CPAP: variants seen among roughly 807,000 people sequenced by gnomAD.
The protein encoded by CPAP is centrosome assembly and centriole elongation protein.
the CPAP span, chr13:24,889,462 A>G: frequency 9.4e-7 from 1 of 1,061,692 alleles, no homozygotes; most frequent in Non-Finnish European, 1.4e-6. Flanking sequence ...ACACTAAGTG[A>G]AACTAATAAA....
the CPAP span, chr13:24,883,284 T>A: frequency 6.2e-7 from 1 of 1,614,022 alleles, no homozygotes; most frequent in South Asian, 1.1e-5. Flanking sequence ...GTTTTAACAG[T>A]GCCATCTGGG....
the CPAP span, chr13:24,903,837 T>C: frequency 7.4e-7 from 1 of 1,357,116 alleles, no homozygotes; most frequent in Non-Finnish European, 1.1e-6. Flanking sequence ...GTTTGACTGA[T>C]TTAAATTGTT....
chr13:24,885,675 T>G, the CPAP span: 1 of 1,607,646 alleles, frequency 6.2e-7, no homozygotes, highest in Non-Finnish European at 8.5e-7. Flanking sequence ...GATTGCCTAT[T>G]AGAATAAAAT....
the CPAP span, among the ~76,000 whole-genome samples, chr13:24,901,731 C>T: frequency 2.0e-5 from 3 of 152,210 alleles, no homozygotes; most frequent in African/African-American, 7.2e-5. Flanking sequence ...GTAGCTCATG[C>T]CTGTAAGCCC....
chr13:24,902,154 C>T, the CPAP span, among the ~76,000 whole-genome samples: 4 of 151,946 alleles, frequency 2.6e-5, no homozygotes, highest in African/African-American at 9.7e-5. Flanking sequence ...CCTCATCTGT[C>T]AATTGGGAAG....
chr13:24,931,951 C>G, the CPAP span, among the ~76,000 whole-genome samples: 1 of 152,316 alleles, frequency 6.6e-6, no homozygotes, highest in Middle Eastern at 3.4e-3. Flanking sequence ...AGCCCTGAAC[C>G]CCCTCAGGCT....
chr13:24,899,635 G>C, the CPAP span: 27 of 1,461,056 alleles, frequency 1.8e-5, no homozygotes, highest in Non-Finnish European at 6.7e-6. Context: ...TCAGTGCAGT[G>C]ATGTGCAGAA....
At chr13:24,908,215 A>AT in the CPAP span, 3 of 877,120 alleles carry the variant, frequency 3.4e-6, no homozygotes, top group African/African-American at 1.7e-5. Flanking sequence ...ATGCTAAAAC[A>AT]TTTTTTTAAT....
At chr13:24,929,901 ATT>A in the CPAP span, among the ~76,000 whole-genome samples, 98 of 100,902 alleles carry the variant, frequency 9.7e-4, no homozygotes, top group Middle Eastern at 6.5e-3. Flanking sequence ...TCACTTGTGA[ATT>A]TTTTTTTTTT....
the CPAP span, among the ~76,000 whole-genome samples, chr13:24,904,997 G>C: frequency 6.6e-6 from 1 of 152,110 alleles, no homozygotes; most frequent in Non-Finnish European, 1.5e-5. Context: ...CATTTGTATA[G>C]AAAGGTAATT....
the CPAP span, among the ~76,000 whole-genome samples, chr13:24,908,838 T>C: frequency 1.3e-5 from 2 of 152,230 alleles, no homozygotes; most frequent in Non-Finnish European, 2.9e-5. Flanking sequence ...GGAATTATCA[T>C]TAATTTCTTT....
chr13:24,882,888 C>G, the CPAP span: 3 of 384,086 alleles, frequency 7.8e-6, no homozygotes, highest in Non-Finnish European at 1.5e-5. Context: ...TTTTTTATAG[C>G]CATTTCTAAC....
chr13:24,894,269 G>C, the CPAP span, among the ~76,000 whole-genome samples: 5 of 152,244 alleles, frequency 3.3e-5, no homozygotes, highest in East Asian at 7.7e-4. Context: ...CAGGGACGGG[G>C]TAAGAGCGGA....
At chr13:24,913,703 G>A in the CPAP span, among the ~76,000 whole-genome samples, 2 of 152,274 alleles carry the variant, frequency 1.3e-5, no homozygotes, top group South Asian at 2.1e-4. Flanking sequence ...TTACTAATCC[G>A]TGAAGTTCCT....
At chr13:24,917,193 G>T in the CPAP span, among the ~76,000 whole-genome samples, 10 of 152,172 alleles carry the variant, frequency 6.6e-5, 1 homozygote, top group Admixed American at 6.5e-4. Flanking sequence ...AGCAGATCTT[G>T]CAGTGAGCCG....
At chr13:24,931,302 G>GTTTCT in the CPAP span, among the ~76,000 whole-genome samples, 1 of 9,070 alleles carries the variant, frequency 1.1e-4, no homozygotes, top group Admixed American at 1.5e-3. Context: ...ATTTTTTCAT[G>GTTTCT]TTTCTTTTTT....
the CPAP span, chr13:24,906,725 A>C: frequency 6.2e-7 from 1 of 1,614,108 alleles, no homozygotes; most frequent in South Asian, 1.1e-5. Flanking sequence ...GTCCTTTTTA[A>C]GGATAGGGTT....
the CPAP span, among the ~76,000 whole-genome samples, chr13:24,920,361 G>T: frequency 6.6e-6 from 1 of 152,094 alleles, no homozygotes; most frequent in Non-Finnish European, 1.5e-5. Context: ...TTTTGCCATC[G>T]CTCCCTGGTT....
chr13:24,909,996 G>A, the CPAP span: 222 of 1,613,994 alleles, frequency 1.4e-4, no homozygotes, highest in Non-Finnish European at 1.8e-4. Context: ...GTAGACATAT[G>A]ATGGGAAGCA....
Sources: allele counts gnomAD v4.1 joint callset (sites outside exome capture counted in the v4.1 genomes callset), GRCh38; gene constraint gnomAD v4.1.1; transcripts MANE v1.5; gene names NCBI Gene and HGNC (gene_info 2026-07-23, HGNC 2026-07-21).